CDH4: variants seen among roughly 807,000 people sequenced by gnomAD.
CDH4 encodes the protein cadherin 4.
In CDH4, 33 loss-of-function variants were observed where a neutral mutation model predicts 86.0. The ratio of observed to expected loss-of-function variants is 0.38; its 90% CI spans 0.29 to 0.51. The LOEUF is 0.51. Among genes scored for constraint, CDH4 ranks in the 20% least tolerant of loss-of-function variants. The pLI is 0.86. For missense variants in CDH4, 1,114 were observed against 1,307.4 expected, an observed-to-expected ratio of 0.85 and a Z score of 2.28; for synonymous variants, 555 against 549.4, an observed-to-expected ratio of 1.01 and a Z score of -0.14.
At chr20:61,260,444 A>T (rs1406483741) in intron 2 of CDH4, among the ~76,000 whole-genome samples, 2 of 152,212 alleles carry the variant, frequency 1.3e-5, no homozygotes, top group African/African-American at 4.8e-5. Flanking sequence ...TCTCATAGTG[A>T]TGCTTCTCCA....
chr20:61,729,053 C>T (rs950910961), intron 2 of CDH4, among the ~76,000 whole-genome samples: 17 of 152,186 alleles, frequency 1.1e-4, no homozygotes, highest in African/African-American at 3.6e-4. Flanking sequence ...CAGCCGTCCT[C>T]GCCCATGTGG....
chr20:61,509,026 G>C (rs935442473), intron 2 of CDH4, among the ~76,000 whole-genome samples: 2 of 152,104 alleles, frequency 1.3e-5, no homozygotes, highest in African/African-American at 4.8e-5. Context: ...GGACCTGCCT[G>C]GGTTCTAAGC....
intron 2 of CDH4, among the ~76,000 whole-genome samples, chr20:61,462,050 A>T (rs2085446625): frequency 6.6e-6 from 1 of 152,204 alleles, no homozygotes; most frequent in Non-Finnish European, 1.5e-5. Flanking sequence ...AGGCTTCTTG[A>T]CAAGAAAGTT....
At chr20:61,640,225 C>T (rs895357898) in intron 2 of CDH4, among the ~76,000 whole-genome samples, 1 of 152,234 alleles carries the variant, frequency 6.6e-6, no homozygotes, top group Non-Finnish European at 1.5e-5. Flanking sequence ...GAAACCCAGG[C>T]CAGCCTTGCG....
At chr20:61,376,871 A>G (rs62201901) in intron 2 of CDH4, among the ~76,000 whole-genome samples, 37,978 of 152,116 alleles carry the variant, frequency 0.25, 5,111 homozygotes, top group African/African-American at 0.34. Flanking sequence ...TCTCCTCTCT[A>G]GCACTTCCCT....
chr20:61,933,912 A>T, intron 14 of CDH4, 144 bp from the exon 15 acceptor site: 2 of 881,798 alleles, frequency 2.3e-6, no homozygotes, highest in Non-Finnish European at 1.8e-6. Flanking sequence ...AGCAGGGGAC[A>T]GCATGGTTCT....
chr20:61,322,131 C>T (rs994075297), intron 2 of CDH4, among the ~76,000 whole-genome samples: 3 of 152,046 alleles, frequency 2.0e-5, no homozygotes, highest in East Asian at 1.9e-4. Flanking sequence ...GTACTTGCTT[C>T]GGGGATGGTT....
intron 2 of CDH4, among the ~76,000 whole-genome samples, chr20:61,731,195 C>G (rs2088179985): frequency 6.6e-6 from 1 of 152,096 alleles, no homozygotes; most frequent in Non-Finnish European, 1.5e-5. Context: ...TGGCTCTGCT[C>G]AGGCCAAACA....
intron 2 of CDH4, among the ~76,000 whole-genome samples, chr20:61,473,059 A>G (rs1157157533): frequency 6.6e-6 from 1 of 152,184 alleles, no homozygotes; most frequent in Non-Finnish European, 1.5e-5. Flanking sequence ...GTCTTTGCCA[A>G]TTGCCATGGT....
At chr20:61,616,184 G>A (rs2086723871) in intron 2 of CDH4, among the ~76,000 whole-genome samples, 1 of 152,248 alleles carries the variant, frequency 6.6e-6, no homozygotes, top group South Asian at 2.1e-4. Context: ...CACTGCACCA[G>A]CACTGCCGTC....
intron 2 of CDH4, among the ~76,000 whole-genome samples, chr20:61,702,465 G>C (rs542821274): frequency 1.3e-5 from 2 of 152,260 alleles, no homozygotes; most frequent in South Asian, 4.1e-4. Flanking sequence ...CCCAAACGCA[G>C]CCCAAGTCAC....
At chr20:61,779,284 C>T (rs571573491) in intron 4 of CDH4, among the ~76,000 whole-genome samples, 2 of 152,290 alleles carry the variant, frequency 1.3e-5, no homozygotes, top group South Asian at 4.2e-4. Flanking sequence ...GGTGCGAATC[C>T]TTTCATTTTG....
intron 2 of CDH4, among the ~76,000 whole-genome samples, chr20:61,649,237 G>A (rs890532982): frequency 6.6e-6 from 1 of 152,236 alleles, no homozygotes; most frequent in Non-Finnish European, 1.5e-5. Context: ...AGGGCCCCCC[G>A]AGCACGCACG....
At chr20:61,736,084 C>T (rs1406336497) in intron 2 of CDH4, among the ~76,000 whole-genome samples, 1 of 152,200 alleles carries the variant, frequency 6.6e-6, no homozygotes, top group African/African-American at 2.4e-5. Context: ...CCCCCCACTC[C>T]TGTGCAGATC....
chr20:61,343,434 A>G (rs1171457561), intron 2 of CDH4, among the ~76,000 whole-genome samples: 1 of 152,190 alleles, frequency 6.6e-6, no homozygotes, highest in Non-Finnish European at 1.5e-5. Context: ...TATGTGAGAA[A>G]ATGTGTGTGT....
At position 61,684,369 on chromosome 20, in the gene CDH4, G is replaced by A. The variant is rs1227678407; in HGVS notation, c.170-59194G>A. Among the ~76,000 whole-genome samples the A allele has an allele frequency of 6.6e-6, 1 of 152,318 alleles. No homozygotes were observed. The highest frequency in any genetic ancestry group is 1.9e-4 in the East Asian group (1 of 5,182). On this transcript the variant is annotated intron_variant, in intron 2 of 15. Transcript: ENST00000614565. The surrounding 1 kb of genome is among the most constrained non-coding windows in gnomAD (Gnocchi z 4.5). Reference sequence around the variant, plus strand: ...GGAAGCAGCAAGCGCGGAGCACGTGGCCTCAACCTCCGTCTTGCTTATGCT... The same window carrying A: ...GGAAGCAGCAAGCGCGGAGCACGTGACCTCAACCTCCGTCTTGCTTATGCT...
At chr20:61,383,754 C>CAT (rs1233377302) in intron 2 of CDH4, among the ~76,000 whole-genome samples, 1 of 61,614 alleles carries the variant, frequency 1.6e-5, no homozygotes. Flanking sequence ...AAGATATATG[C>CAT]ATATATATGA....
intron 2 of CDH4, among the ~76,000 whole-genome samples, chr20:61,337,076 G>C (rs1460207321): frequency 6.6e-6 from 1 of 152,006 alleles, no homozygotes; most frequent in African/African-American, 2.4e-5. Context: ...TGACTCAACT[G>C]TTCTTAGCTG....
At chr20:61,652,717 A>C (rs2087134494) in intron 2 of CDH4, among the ~76,000 whole-genome samples, 1 of 151,868 alleles carries the variant, frequency 6.6e-6, no homozygotes, top group East Asian at 1.9e-4. Flanking sequence ...AATTCATGGA[A>C]TCTTGAAATT....
Sources: allele counts gnomAD v4.1 joint callset (sites outside exome capture counted in the v4.1 genomes callset), GRCh38; gene constraint gnomAD v4.1.1; non-coding constraint Gnocchi (gnomAD v3.1); transcripts MANE v1.5; gene names NCBI Gene and HGNC (gene_info 2026-07-23, HGNC 2026-07-21).